USP34: variants seen among roughly 807,000 people sequenced by gnomAD.
USP34 encodes the protein ubiquitin carboxyl-terminal hydrolase 34.
In USP34, 70 loss-of-function variants were observed where a neutral mutation model predicts 460.3. That is an observed-to-expected ratio of 0.15 (90% CI 0.13 to 0.19). The LOEUF (loss-of-function observed/expected upper bound fraction) is 0.19, where lower values mean the gene tolerates loss of function less well. USP34 is among the 10% of genes least tolerant of loss of function. USP34 has a pLI of 1.00. For missense variants in USP34, 3,985 were observed against 4,236.2 expected, an observed-to-expected ratio of 0.94 and a Z score of 1.65; for synonymous variants, 1,647 against 1,405.3, an observed-to-expected ratio of 1.17 and a Z score of -3.85.
At chr2:61,392,816 C>T (rs1277763571) in intron 5 of USP34, among the ~76,000 whole-genome samples, 1 of 152,056 alleles carries the variant, frequency 6.6e-6, no homozygotes, top group Admixed American at 6.6e-5. Context: ...TTTGGTGTTT[C>T]AAAATTATAT....
At chr2:61,209,573 G>A (rs139564552) in intron 69 of USP34, among the ~76,000 whole-genome samples, 1 of 152,108 alleles carries the variant, frequency 6.6e-6, no homozygotes, top group Non-Finnish European at 1.5e-5. Flanking sequence ...TGATGACGCT[G>A]GTATAAACAA....
intron 10 of USP34, among the ~76,000 whole-genome samples, chr2:61,365,010 T>C (rs1261289182): frequency 2.0e-5 from 3 of 151,856 alleles, no homozygotes; most frequent in Admixed American, 2.0e-4. Flanking sequence ...TCCCAGCAAT[T>C]TGGGAGATCA....
intron 2 of USP34, among the ~76,000 whole-genome samples, chr2:61,417,726 T>TG (rs34839698): frequency 7.4e-6 from 1 of 134,918 alleles, no homozygotes; most frequent in South Asian, 2.3e-4. Context: ...AATCTTTTTT[T>TG]TTTTCTTTTT....
At chr2:61,459,198 TA>T (rs929197839) in intron 1 of USP34, among the ~76,000 whole-genome samples, 6 of 151,960 alleles carry the variant, frequency 3.9e-5, no homozygotes, top group African/African-American at 1.5e-4. Context: ...AAAATAAAAA[TA>T]AAAAAAGATA....
intron 57 of USP34, among the ~76,000 whole-genome samples, chr2:61,234,142 A>G (rs1226781319): frequency 6.6e-6 from 1 of 152,248 alleles, no homozygotes. Context: ...TTCTCATTAC[A>G]AAATTTCAAA....
intron 67 of USP34, among the ~76,000 whole-genome samples, chr2:61,215,766 G>A (rs1687378878): frequency 6.6e-6 from 1 of 152,192 alleles, no homozygotes. Flanking sequence ...AGAATTGTGA[G>A]CCTTTACCAA....
intron 10 of USP34, among the ~76,000 whole-genome samples, chr2:61,352,100 T>C (rs995358661): frequency 1.3e-5 from 2 of 152,164 alleles, no homozygotes; most frequent in African/African-American, 2.4e-5. Flanking sequence ...AGATCTCTAA[T>C]TCAATAATCC....
Position 61,266,094 on chromosome 2 carries a change from T to A in USP34, c.5507A>T (p.Lys1836Ile). 1 of 1,614,050 alleles carries A rather than the reference T, an allele frequency of 6.2e-7. No homozygotes were observed. Residue 1836 changes from lysine (K) to isoleucine (I), a missense_variant, in exon 42 of 80, where the codon AAA (lysine) becomes ATA (isoleucine). By Grantham distance (102) the Lys-to-Ile change is moderately radical (BLOSUM62 -3). This residue lies in a region of USP34 where 1,114 missense variants were observed against 1,122.5 expected (regional missense o/e 0.99). Transcript: ENST00000398571. Reference sequence around the variant, plus strand: ...AGCGGCAGCTCTTGAAGAATGTGATTTGCACTTTGGCTGTTGTCGGTCCTT... The same window carrying A: ...AGCGGCAGCTCTTGAAGAATGTGATATGCACTTTGGCTGTTGTCGGTCCTT... ...SLKDRQQPKC[K>I]SHSSRAAAYD...
At chr2:61,394,205 C>A (rs1273720616) in intron 5 of USP34, among the ~76,000 whole-genome samples, 2 of 152,110 alleles carry the variant, frequency 1.3e-5, no homozygotes, top group Non-Finnish European at 2.9e-5. Flanking sequence ...GAAGAATTAC[C>A]TTATTTTCAA....
At chr2:61,442,459 A>C (rs765246127) in intron 1 of USP34, among the ~76,000 whole-genome samples, 7 of 152,140 alleles carry the variant, frequency 4.6e-5, no homozygotes, top group Non-Finnish European at 8.8e-5. Context: ...CAATGTGAAT[A>C]GACATTTCTC....
chr2:61,445,645 T>C (rs995140305), intron 1 of USP34, among the ~76,000 whole-genome samples: 1 of 151,036 alleles, frequency 6.6e-6, no homozygotes, highest in Non-Finnish European at 1.5e-5. Flanking sequence ...TAAATTAACA[T>C]AAACTGTATA....
At chr2:61,210,575 T>C (rs754152471) in intron 69 of USP34, among the ~76,000 whole-genome samples, 22 of 152,234 alleles carry the variant, frequency 1.4e-4, no homozygotes, top group Non-Finnish European at 2.5e-4. Context: ...ATGCAACACA[T>C]GACTATAATT....
At chr2:61,300,159 C>T (rs965308010) in intron 29 of USP34, among the ~76,000 whole-genome samples, 1 of 152,170 alleles carries the variant, frequency 6.6e-6, no homozygotes, top group Non-Finnish European at 1.5e-5. Context: ...AAACAAAAAT[C>T]AGAACATGTG....
At chr2:61,403,519 T>C (rs539411291) in intron 3 of USP34, among the ~76,000 whole-genome samples, 157 of 152,284 alleles carry the variant, frequency 1.0e-3, no homozygotes, top group Middle Eastern at 6.8e-3. Context: ...GGACTTTCTT[T>C]TGTTGAAAAA....
Position 61,227,171 on chromosome 2 carries a change from C to A in USP34, c.7491G>T (p.Glu2497Asp), listed in dbSNP as rs1383162342. Residue 2497 changes from glutamate to aspartate, a missense_variant, in exon 62 of 80, where the codon GAG becomes GAT. Around this residue, in one of 14 missense-constraint regions of USP34, gnomAD observed 604 missense variants for 684.8 expected, o/e 0.88. Coordinates refer to ENST00000398571, the MANE Select transcript of USP34 (RefSeq NM_014709.4). ...LSEEEGEEEEEEEDILSLAEE... is the reference protein window; with the variant it reads ...LSEEEGEEEEDEEDILSLAEE... ...CTGCCAGAGAGAGGATATCTTCTTC[C>A]TCCTCTTCTTCTTCCCCTTCTTCCT... 1.2e-6 allele frequency: 2 copies of A among 1,613,702 alleles called. No individual in the cohort carries two copies. Among genetic ancestry groups the A allele is most frequent in the Non-Finnish European group, 1.7e-6 (2 of 1,179,896 alleles).
chr2:61,421,104 G>A (rs953022932), intron 1 of USP34, among the ~76,000 whole-genome samples: 5 of 152,176 alleles, frequency 3.3e-5, no homozygotes, highest in African/African-American at 9.7e-5. Flanking sequence ...TTGTGATGCT[G>A]AGGCTGGGAC....
At chr2:61,229,790 G>C (rs1252388830) in intron 58 of USP34, among the ~76,000 whole-genome samples, 157 bp from the exon 59 acceptor site, 1 of 152,068 alleles carries the variant, frequency 6.6e-6, no homozygotes, top group Non-Finnish European at 1.5e-5. Flanking sequence ...AATGGACTAA[G>C]GAAATGAGGC....
chr2:61,435,726 C>T (rs1694794076), intron 1 of USP34, among the ~76,000 whole-genome samples: 2 of 152,198 alleles, frequency 1.3e-5, no homozygotes, highest in Non-Finnish European at 1.5e-5. Context: ...TTTAAATTCC[C>T]CCATTTAAAA....
intron 16 of USP34, among the ~76,000 whole-genome samples, chr2:61,343,570 A>G (rs535303929): frequency 3.3e-5 from 5 of 152,232 alleles, no homozygotes; most frequent in Admixed American, 3.3e-4. Flanking sequence ...ATTACATATT[A>G]TTGCTATATA....
Sources: allele counts gnomAD v4.1 joint callset (sites outside exome capture counted in the v4.1 genomes callset), GRCh38; gene constraint gnomAD v4.1.1; regional missense constraint gnomAD v4.1.1; transcripts MANE v1.5; gene names NCBI Gene and HGNC (gene_info 2026-07-23, HGNC 2026-07-21).